The following MBD5 variants were observed in gnomAD, a reference collection of about 807,000 sequenced individuals.
The protein encoded by MBD5 is methyl-CpG-binding domain protein 5.
MBD5 carries 13 observed loss-of-function variants against 117.3 expected under a neutral mutation model. That is an observed-to-expected ratio of 0.11 (90% CI 0.07 to 0.18). MBD5 has a LOEUF of 0.18. Among genes scored for constraint, MBD5 ranks in the 10% least tolerant of loss-of-function variants. MBD5 has a pLI of 1.00. For synonymous variants in MBD5, 727 were observed against 766.4 expected (o/e 0.95, Z 0.85); for missense variants, 1,879 against 2,093.8 (o/e 0.90, Z 2.00).
At chr2:148,477,964 T>G (rs1681024335) in intron 8 of MBD5, among the ~76,000 whole-genome samples, 1 of 152,196 alleles carries the variant, frequency 6.6e-6, no homozygotes, top group African/African-American at 2.4e-5. Context: ...TAAAAATACT[T>G]CATTGGTCTC....
chr2:148,253,883 A>T (rs747281603), intron 3 of MBD5, among the ~76,000 whole-genome samples: 1 of 152,208 alleles, frequency 6.6e-6, no homozygotes, highest in African/African-American at 2.4e-5. Context: ...GGTTACATAA[A>T]TGTGCGGGGT....
chr2:148,461,021 C>T (rs182465987), intron 5 of MBD5, among the ~76,000 whole-genome samples: 172 of 152,286 alleles, frequency 1.1e-3, no homozygotes, highest in Non-Finnish European at 2.0e-3. Flanking sequence ...CAACCTCTGC[C>T]TCTTGGGTTC....
intron 1 of MBD5, among the ~76,000 whole-genome samples, chr2:148,059,509 A>G (rs1441007094): frequency 6.6e-6 from 1 of 152,184 alleles, no homozygotes. Context: ...ATGTTATTTG[A>G]TAATCTGAAT....
At chr2:148,351,957 C>G (rs1559035711) in intron 4 of MBD5, among the ~76,000 whole-genome samples, 1 of 151,604 alleles carries the variant, frequency 6.6e-6, no homozygotes, top group Non-Finnish European at 1.5e-5. Flanking sequence ...CCCTTTGTAC[C>G]CTGTCTGGCT....
chr2:148,201,677 A>G (rs1023884223), intron 2 of MBD5, among the ~76,000 whole-genome samples: 1 of 152,128 alleles, frequency 6.6e-6, no homozygotes, highest in African/African-American at 2.4e-5. Context: ...TCAAAGGGTG[A>G]GAAGGGTGGA....
At position 148,515,411 on chromosome 2, in the gene MBD5, G is replaced by C. The variant is rs757113553; in HGVS notation, c.*2470G>C. On this transcript the variant is annotated 3_prime_UTR_variant, in exon 14 of 14. Coordinates refer to ENST00000642680, the MANE Select transcript of MBD5 (RefSeq NM_001378120.1). The stretch of plus-strand genomic sequence containing the variant: ...AGGTGTAGTAGTTTCAGTCCACGTG[G>C]GTTTTTTTCATCTCTCTTAGAGTTA... 1.3e-5 allele frequency: 2 copies of C among 152,006 alleles called. No homozygotes were observed. Among genetic ancestry groups the C allele is most frequent in the Non-Finnish European group, 2.9e-5 (2 of 68,002 alleles). 9.4% of individuals were successfully genotyped at this position (152,006 alleles called of 1,614,324 possible). A position where few individuals can be genotyped will look rare whatever the true frequency, so the allele number is the denominator to read the frequency against.
intron 4 of MBD5, among the ~76,000 whole-genome samples, chr2:148,370,890 G>C (rs979260470): frequency 6.6e-6 from 1 of 152,052 alleles, no homozygotes; most frequent in East Asian, 1.9e-4. Context: ...TTTAATCTAA[G>C]AGTCCAAACC....
At chr2:148,227,079 T>A (rs1435933145) in intron 2 of MBD5, among the ~76,000 whole-genome samples, 1 of 152,238 alleles carries the variant, frequency 6.6e-6, no homozygotes, top group Non-Finnish European at 1.5e-5. Context: ...TTCACTCTGA[T>A]GGTAGTTTCC....
At chr2:148,336,746 C>T (rs956902172) in intron 3 of MBD5, among the ~76,000 whole-genome samples, 4 of 152,134 alleles carry the variant, frequency 2.6e-5, no homozygotes, top group East Asian at 1.9e-4. Context: ...CCTGAGGCAT[C>T]GTCAACACTT....
At chr2:148,096,400 A>G (rs1574009079) in intron 1 of MBD5, among the ~76,000 whole-genome samples, 1 of 46,688 alleles carries the variant, frequency 2.1e-5, no homozygotes, top group Non-Finnish European at 4.8e-5. Context: ...TCTCAATAAC[A>G]AAAAATTATC....
chr2:148,300,816 C>T (rs1370829678), intron 3 of MBD5, among the ~76,000 whole-genome samples: 1 of 152,182 alleles, frequency 6.6e-6, no homozygotes, highest in Non-Finnish European at 1.5e-5. Context: ...AGACTACAGA[C>T]TCCATTTCTG....
At chr2:148,285,830 A>G (rs1047398142) in intron 3 of MBD5, among the ~76,000 whole-genome samples, 1 of 152,186 alleles carries the variant, frequency 6.6e-6, no homozygotes, top group African/African-American at 2.4e-5. Flanking sequence ...AAGTGCCGGG[A>G]TTACAGGTGT....
intron 3 of MBD5, among the ~76,000 whole-genome samples, chr2:148,290,805 A>G (rs1701483684): frequency 6.6e-6 from 1 of 152,210 alleles, no homozygotes; most frequent in Non-Finnish European, 1.5e-5. Flanking sequence ...ATAGTGAATA[A>G]TAATACTATA....
intron 3 of MBD5, among the ~76,000 whole-genome samples, chr2:148,311,171 C>T (rs1163831780): frequency 6.6e-6 from 1 of 152,068 alleles, no homozygotes; most frequent in Non-Finnish European, 1.5e-5. Context: ...TCGGCTTGGT[C>T]CAGAGCTGAG....
intron 11 of MBD5, 158 bp from the exon 12 acceptor site, chr2:148,502,278 C>T: frequency 1.4e-6 from 1 of 702,368 alleles, no homozygotes; most frequent in South Asian, 1.6e-5. Flanking sequence ...GAATCAACCT[C>T]TAATGATTGA....
chr2:148,399,062 A>G (rs1704830186), intron 4 of MBD5, among the ~76,000 whole-genome samples: 2 of 152,098 alleles, frequency 1.3e-5, no homozygotes, highest in Non-Finnish European at 2.9e-5. Flanking sequence ...GTAGCCTTGT[A>G]ATATAGTTTG....
intron 3 of MBD5, among the ~76,000 whole-genome samples, chr2:148,325,930 G>A (rs990840361): frequency 6.6e-6 from 1 of 151,822 alleles, no homozygotes; most frequent in Non-Finnish European, 1.5e-5. Context: ...GTGATGTTAG[G>A]GTGTCAATTT....
At chr2:148,416,229 A>C (rs1230403678) in intron 4 of MBD5, among the ~76,000 whole-genome samples, 1 of 152,186 alleles carries the variant, frequency 6.6e-6, no homozygotes, top group African/African-American at 2.4e-5. Flanking sequence ...TAGGGGACCA[A>C]GGCTCAGCTC....
intron 1 of MBD5, among the ~76,000 whole-genome samples, chr2:148,178,276 A>G (rs1431637942): frequency 6.6e-6 from 1 of 152,206 alleles, no homozygotes; most frequent in Non-Finnish European, 1.5e-5. Flanking sequence ...ATTGATTTCT[A>G]TGATTTTGGC....
Sources: allele counts gnomAD v4.1 joint callset (sites outside exome capture counted in the v4.1 genomes callset), GRCh38; gene constraint gnomAD v4.1.1; transcripts MANE v1.5; gene names NCBI Gene and HGNC (gene_info 2026-07-23, HGNC 2026-07-21).